Variants in ITIH6 observed in about 807,000 individuals in gnomAD.
ITIH6 encodes inter-alpha-trypsin inhibitor heavy chain H6.
Under a neutral mutation model 58.2 loss-of-function variants are expected in ITIH6, and 60 were observed. The observed-to-expected ratio is 1.03, with a 90% CI of 0.84 to 1.28. The LOEUF (loss-of-function observed/expected upper bound fraction) is 1.28. Among genes scored for constraint, ITIH6 ranks in the 50% most tolerant of loss-of-function variants. The probability of loss-of-function intolerance (pLI) is 0.00; values close to 1 mark genes in which losing one functional copy is unlikely to be tolerated. For missense variants in ITIH6, 1,290 were observed against 1,021.1 expected (o/e 1.26, Z -3.59); for synonymous variants, 493 against 417.4 (o/e 1.18, Z -2.21).
chrX:54,793,534 G>A (rs916453165), intron 2 of ITIH6, among the ~76,000 whole-genome samples: 1 of 112,138 alleles, frequency 8.9e-6, no homozygotes, highest in Non-Finnish European at 1.9e-5. Flanking sequence ...ATCCATCAGG[G>A]ATTTTCAGCT....
rs1047571488 is a variant in ITIH6, at chrX:54,758,785, C to G, written c.1289G>C (p.Gly430Ala). 1.7e-6 allele frequency: 2 copies of G among 1,207,632 alleles called. No individual in the cohort carries two copies. The highest frequency in any genetic ancestry group is 3.5e-5 in the African/African-American group (2 of 56,970). The change falls in exon 8 of 13, where the codon GGG (glycine) becomes GCG (alanine). Residue 430 changes from glycine to alanine, a missense_variant. Coordinates refer to ENST00000218436, the MANE Select transcript of ITIH6 (RefSeq NM_198510.3). ...HRVSLFSLAF[G>A]DDADFTLLRR... is the part of the protein sequence containing the mutation. ...CAGCAGTGTAAAGTCAGCATCATCCCCAAAGGCCAAGCTGAAAAGGGATAC... is the reference window on the plus strand; with the variant it reads ...CAGCAGTGTAAAGTCAGCATCATCCGCAAAGGCCAAGCTGAAAAGGGATAC...
intron 3 of ITIH6, 51 bp from the exon 4 acceptor site, chrX:54,791,135 T>C: frequency 8.6e-7 from 1 of 1,168,824 alleles, no homozygotes; most frequent in Non-Finnish European, 1.2e-6. Flanking sequence ...TTCAGAGGAG[T>C]ACAGGGGCTG....
chrX:54,768,550 T>C (rs1474128537), intron 6 of ITIH6, among the ~76,000 whole-genome samples: 1 of 105,191 alleles, frequency 9.5e-6, no homozygotes, highest in Non-Finnish European at 1.9e-5. Flanking sequence ...TTTCCATGTT[T>C]AGTGCTTCCT....
chrX:54,793,785 G>A (rs1248993547), intron 2 of ITIH6, among the ~76,000 whole-genome samples: 1 of 111,280 alleles, frequency 9.0e-6, no homozygotes, highest in Non-Finnish European at 1.9e-5. Context: ...GGGTGGTTGA[G>A]TGGGCCTAGA....
intron 12 of ITIH6, among the ~76,000 whole-genome samples, chrX:54,750,792 G>C (rs1248727497): frequency 9.0e-6 from 1 of 111,702 alleles, no homozygotes; most frequent in Non-Finnish European, 1.9e-5. Flanking sequence ...GTTTTCTCTA[G>C]CTCCCTGGGC....
Position 54,757,552 on chromosome X carries a change from C to T in ITIH6, c.2522G>A (p.Gly841Glu), listed in dbSNP as rs1172187169. The T allele has an allele frequency of 4.1e-6, 5 of 1,210,194 alleles. No homozygotes were observed. The highest frequency in any genetic ancestry group is 3.5e-5 in the South Asian group (2 of 56,875). The change falls in exon 8 of 13, where the codon GGG becomes GAG. Residue 841 changes from glycine to glutamate, a missense_variant. Transcript: ENST00000218436. ...GGTCTTGGACAAGAGGATTCCAGGC[C>T]CCAGGTGTGGCATGTTGTTTCGGGT... Reference protein sequence around the residue: ...PKTRNNMPHLGPGILLSKTPK... With the variant: ...PKTRNNMPHLEPGILLSKTPK...
intron 3 of ITIH6, 150 bp from the exon 4 acceptor site, chrX:54,791,234 G>A (rs1035693799): frequency 1.6e-5 from 8 of 492,552 alleles, no homozygotes; most frequent in East Asian, 7.6e-5. Flanking sequence ...CTCATGGTCC[G>A]TCATCCATGC....
At chrX:54,790,454 C>G (rs1310404895) in intron 4 of ITIH6, among the ~76,000 whole-genome samples, 8 of 112,438 alleles carry the variant, frequency 7.1e-5, no homozygotes, top group South Asian at 3.7e-4. Flanking sequence ...TGCACTCACT[C>G]TCCTGCCATT....
intron 6 of ITIH6, among the ~76,000 whole-genome samples, chrX:54,768,697 A>T (rs1330752314): frequency 2.9e-5 from 3 of 105,019 alleles, no homozygotes; most frequent in Non-Finnish European, 3.9e-5. Flanking sequence ...AAGAATGTTG[A>T]ATATTGGCCC....
intron 8 of ITIH6, 112 bp downstream of exon 8, chrX:54,756,849 CAAGG>C (rs1326159496): frequency 8.8e-6 from 4 of 452,594 alleles, no homozygotes; most frequent in East Asian, 3.8e-5. Flanking sequence ...AGCAAGCAAG[CAAGG>C]AAGCAGCTGT....
At chrX:54,750,732 T>A (rs1348095237) in intron 12 of ITIH6, among the ~76,000 whole-genome samples, 1 of 111,491 alleles carries the variant, frequency 9.0e-6, no homozygotes, top group Non-Finnish European at 1.9e-5. Flanking sequence ...GTCTACCTCC[T>A]CCAGGAAGTC....
chrX:54,751,748 C>T (rs1352446197), intron 11 of ITIH6, among the ~76,000 whole-genome samples: 1 of 110,038 alleles, frequency 9.1e-6, no homozygotes, highest in Non-Finnish European at 1.9e-5. Flanking sequence ...TTTATGTATG[C>T]GCCTCTGGAT....
At chrX:54,750,218 G>T in intron 12 of ITIH6, 112 bp from the exon 13 acceptor site, 2 of 593,599 alleles carry the variant, frequency 3.4e-6, no homozygotes. Flanking sequence ...GAAGAAGGAG[G>T]GGCAGCAAAA....
chrX:54,754,991 C>G (rs759857777), intron 9 of ITIH6, 26 bp downstream of exon 9: 1 of 1,134,566 alleles, frequency 8.8e-7, no homozygotes, highest in South Asian at 1.9e-5. Context: ...CCCAGGGGAT[C>G]TTTGTCAGGA....
Position 54,792,127 on chromosome X carries a change from G to C in ITIH6, c.258-91C>G, listed in dbSNP as rs374624435. Reference sequence around the variant, plus strand: ...GAAAGAGACACATGAGGTAGAAAGAGGAGGGTAGAGATAGGGAAAGAGAAA... The same window carrying C: ...GAAAGAGACACATGAGGTAGAAAGACGAGGGTAGAGATAGGGAAAGAGAAA... On this transcript the variant is annotated intron_variant, in intron 2 of 12. Transcript: ENST00000218436. 3.0e-5 allele frequency: 18 copies of C among 597,216 alleles called. No individual in the cohort carries two copies. The African/African-American group carries it at 4.0e-4, about 13-fold the overall frequency. The allele number at this position is 597,216 out of a possible 1,213,427, so 49.2% of individuals were successfully genotyped here.
intron 6 of ITIH6, among the ~76,000 whole-genome samples, chrX:54,760,376 C>T (rs191319296): frequency 2.4e-3 from 263 of 110,956 alleles, no homozygotes; most frequent in Non-Finnish European, 3.2e-3. Context: ...AATTCATTTG[C>T]TATATGGTTC....
intron 6 of ITIH6, among the ~76,000 whole-genome samples, chrX:54,771,221 G>T (rs913177393): frequency 9.0e-6 from 1 of 111,577 alleles, no homozygotes; most frequent in Admixed American, 9.5e-5. Context: ...CTGAGGTTTG[G>T]TGTGCATAAT....
At chrX:54,753,895 CTCAA>C in intron 10 of ITIH6, 31 bp downstream of exon 10, 2 of 1,194,697 alleles carry the variant, frequency 1.7e-6, no homozygotes, top group Non-Finnish European at 2.3e-6. Flanking sequence ...CTGCCCTGTA[CTCAA>C]ACAGGGGAGC....
intron 2 of ITIH6, among the ~76,000 whole-genome samples, chrX:54,793,946 A>C (rs1429963361): frequency 9.0e-6 from 1 of 111,196 alleles, no homozygotes; most frequent in African/African-American, 3.3e-5. Context: ...TGTCCTAGAG[A>C]AAGTTAGTGC....
Sources: allele counts gnomAD v4.1 joint callset (sites outside exome capture counted in the v4.1 genomes callset), GRCh38; gene constraint gnomAD v4.1.1; transcripts MANE v1.5; gene names NCBI Gene and HGNC (gene_info 2026-07-23, HGNC 2026-07-21).